MPRIP: variants seen among roughly 807,000 people sequenced by gnomAD.
The protein encoded by MPRIP is myosin phosphatase Rho interacting protein, also known as myosin phosphatase Rho-interacting protein.
In MPRIP, 59 loss-of-function variants were observed where a neutral mutation model predicts 234.9. That is an observed-to-expected ratio of 0.25 (90% CI 0.20 to 0.31). MPRIP has a LOEUF of 0.31. Ranked by LOEUF, MPRIP falls within the 10% of genes least tolerant of loss-of-function variation. The probability of loss-of-function intolerance (pLI) is 1.00; values close to 1 mark genes in which losing one functional copy is unlikely to be tolerated. For missense variants in MPRIP, 2,436 were observed against 3,071.0 expected, an observed-to-expected ratio of 0.79 and a Z score of 4.89; for synonymous variants, 1,144 against 1,263.9, an observed-to-expected ratio of 0.91 and a Z score of 2.01.
intron 17 of MPRIP, among the ~76,000 whole-genome samples, chr17:17,172,405 T>C (rs1567775089): frequency 6.6e-6 from 1 of 152,276 alleles, no homozygotes; most frequent in Non-Finnish European, 1.5e-5. Context: ...AAACTCATGT[T>C]GGAATTTAAC....
intron 1 of MPRIP, among the ~76,000 whole-genome samples, chr17:17,059,050 T>C (rs2088792739): frequency 6.6e-6 from 1 of 152,236 alleles, no homozygotes; most frequent in Non-Finnish European, 1.5e-5. Flanking sequence ...ATTTCTTGTA[T>C]TAGAAGTTAA....
At chr17:17,055,919 C>T (rs1428511461) in intron 1 of MPRIP, among the ~76,000 whole-genome samples, 2 of 152,234 alleles carry the variant, frequency 1.3e-5, no homozygotes, top group Non-Finnish European at 2.9e-5. Flanking sequence ...CCAGCAGTCT[C>T]AGAAGGCGGA....
At chr17:17,065,247 A>G (rs1000969089) in intron 1 of MPRIP, among the ~76,000 whole-genome samples, 1 of 152,168 alleles carries the variant, frequency 6.6e-6, no homozygotes, top group South Asian at 2.1e-4. Flanking sequence ...TTCGTGGCTT[A>G]TCTTTTCATC....
At chr17:17,181,799 G>A (rs1352961731) in intron 23 of MPRIP, 4 of 152,158 alleles carry the variant, frequency 2.6e-5, no homozygotes, top group Admixed American at 6.5e-5. Flanking sequence ...CAACACCCAC[G>A]GGCCCCTGAC....
At chr17:17,087,850 G>A (rs372224830) in intron 3 of MPRIP, among the ~76,000 whole-genome samples, 12 of 152,196 alleles carry the variant, frequency 7.9e-5, no homozygotes, top group African/African-American at 1.9e-4. Flanking sequence ...ATCTCAGGCC[G>A]CACTGAGAGG....
intron 21 of MPRIP, among the ~76,000 whole-genome samples, chr17:17,176,864 CAG>C (rs2046265701): frequency 6.6e-6 from 1 of 152,204 alleles, no homozygotes; most frequent in Non-Finnish European, 1.5e-5. Flanking sequence ...CTCCTGGAGT[CAG>C]GGGAGATGAC....
chr17:17,112,835 C>G (rs149698604), intron 3 of MPRIP, among the ~76,000 whole-genome samples: 1 of 152,340 alleles, frequency 6.6e-6, no homozygotes, highest in Non-Finnish European at 1.5e-5. Flanking sequence ...GTACTGCGTT[C>G]CATCCCCACT....
intron 11 of MPRIP, 114 bp downstream of exon 11, chr17:17,147,501 G>A (rs572602134): frequency 1.3e-4 from 133 of 1,001,322 alleles, no homozygotes; most frequent in Non-Finnish European, 1.8e-4. Context: ...TGAGGACAGC[G>A]CCCTTCGGTG....
chr17:17,108,954 T>C (rs2090116102), intron 3 of MPRIP, among the ~76,000 whole-genome samples: 2 of 152,220 alleles, frequency 1.3e-5, no homozygotes, highest in South Asian at 2.1e-4. Context: ...ACCTGTATGC[T>C]AGCACTGCCT....
chr17:17,149,066 C>T (rs1412150573), intron 11 of MPRIP, among the ~76,000 whole-genome samples: 2 of 152,190 alleles, frequency 1.3e-5, no homozygotes, highest in African/African-American at 4.8e-5. Flanking sequence ...GTTACAAAAG[C>T]ATGCCTGGGT....
rs1321752844 is a variant in MPRIP at position 17,126,838 on chromosome 17, A to T, written c.404A>T (p.Lys135Met). 6.2e-7 allele frequency: 1 copy of T among 1,613,970 alleles called. No individual in the cohort carries two copies. Among genetic ancestry groups the T allele is most frequent in the South Asian group, 1.1e-5 (1 of 91,060 alleles). ...GAGCATTTCATCCGGGCGGAGACCAAGGAGATCGTCAGTGGGTGAGTATGC... is the reference window on the plus strand; with the variant it reads ...GAGCATTTCATCCGGGCGGAGACCATGGAGATCGTCAGTGGGTGAGTATGC... ...EKEHFIRAET[K>M]EIVSGWLEML... Residue 135 changes from lysine to methionine, a missense_variant, in exon 4 of 24, where the codon AAG becomes ATG. Lys to Met is a moderately conservative substitution (Grantham distance 95). This residue lies in a region of MPRIP where 140 missense variants were observed against 207.3 expected (regional missense o/e 0.68). Transcript: ENST00000651222.
At chr17:17,090,676 C>A (rs570358629) in intron 3 of MPRIP, among the ~76,000 whole-genome samples, 53 of 152,322 alleles carry the variant, frequency 3.5e-4, no homozygotes, top group Non-Finnish European at 7.1e-4. Context: ...AAATCACACA[C>A]AAACCACAGT....
At chr17:17,074,606 G>A (rs1350049955) in intron 1 of MPRIP, among the ~76,000 whole-genome samples, 2 of 152,092 alleles carry the variant, frequency 1.3e-5, no homozygotes, top group East Asian at 3.8e-4. Flanking sequence ...AGTCACCCAC[G>A]AAAGAAACCC....
chr17:17,088,212 G>T (rs556626210), intron 3 of MPRIP, among the ~76,000 whole-genome samples: 1 of 152,332 alleles, frequency 6.6e-6, no homozygotes, highest in African/African-American at 2.4e-5. Flanking sequence ...AGGGGTTTCT[G>T]TGGCCCACAC....
rs374451143 is a variant in MPRIP at position 17,172,794 on chromosome 17, A to C, written c.6569A>C (p.Glu2190Ala). 18 of 1,612,304 alleles carry C rather than the reference A, an allele frequency of 1.1e-5. No individual in the cohort carries two copies. The highest frequency in any genetic ancestry group is 1.8e-4 in the Middle Eastern group (1 of 5,602). Reference protein sequence around the residue: ...SQISSVNSDVEALRRQYLEEL... With the variant: ...SQISSVNSDVAALRRQYLEEL... ...ATCAGCAGCGTCAACTCGGATGTTG[A>C]GGCCCTGCGGCGCCAGTACCTGTAA... The change falls in exon 18 of 24, where the codon GAG becomes GCG. Residue 2190 changes from glutamate (E) to alanine (A), a missense_variant. Physicochemically the swap from Glu to Ala is moderately radical, Grantham distance 107 (BLOSUM62 -1). Transcript: ENST00000651222.
rs1478670395 is a variant in MPRIP at position 17,138,381 on chromosome 17, G to A, written c.1202G>A (p.Arg401Gln). ...RRRLERRTRARSPGREEVARL... is the reference protein window; with the variant it reads ...RRRLERRTRAQSPGREEVARL... ...CGGCTGGAGCGTAGAACTCGGGCCC[G>A]GAGCCCTGGCAGGGAGGAGGTGGCC... The change falls in exon 7 of 24, where the codon CGG becomes CAG. Residue 401 changes from arginine (R) to glutamine (Q), a missense_variant. Physicochemically the swap from Arg to Gln is conservative, Grantham distance 43. Around this residue, in one of 4 missense-constraint regions of MPRIP, gnomAD observed 267 missense variants for 252.7 expected, o/e 1.06. Transcript: ENST00000651222. The surrounding 1 kb of genome is among the most constrained non-coding windows in gnomAD (Gnocchi z 5.8). 6.4e-6 allele frequency: 2 copies of A among 312,700 alleles called. No homozygotes were observed. Among genetic ancestry groups the A allele is most frequent in the Non-Finnish European group, 1.2e-5 (2 of 171,100 alleles). The allele number at this position is 312,700 out of a possible 1,614,324, so 19.4% of individuals were successfully genotyped here.
Position 17,167,281 on chromosome 17 carries a change from A to G in MPRIP, c.5690A>G (p.Lys1897Arg). 7.7e-7 allele frequency: 1 copy of G among 1,303,950 alleles called. No homozygotes were observed. Among genetic ancestry groups the G allele is most frequent in the Non-Finnish European group, 1.0e-6 (1 of 988,944 alleles). 80.8% of individuals were successfully genotyped at this position (1,303,950 alleles called of 1,614,324 possible). A position where few individuals can be genotyped will look rare whatever the true frequency, so the allele number is the denominator to read the frequency against. Residue 1897 changes from lysine to arginine, a missense_variant, in exon 16 of 24, where the codon AAG becomes AGG. This residue lies in a region of MPRIP where 1,998 missense variants were observed against 2,520.3 expected (regional missense o/e 0.79). Transcript: ENST00000651222. This position sits in a 1 kb window ranked among gnomAD's most constrained non-coding sequence, Gnocchi z 5.9. ...LREEYEELLR[K>R]QKSEYLDVIA... ...GAGGAGTATGAGGAGCTTCTCCGCA[A>G]GCAGAAGAGCGAGTACCTGGATGTG...
intron 3 of MPRIP, among the ~76,000 whole-genome samples, chr17:17,086,885 G>T (rs2089603879): frequency 6.6e-6 from 1 of 152,188 alleles, no homozygotes; most frequent in African/African-American, 2.4e-5. Flanking sequence ...ACTGGAGGCT[G>T]AGCTTTAAGC....
intron 3 of MPRIP, among the ~76,000 whole-genome samples, chr17:17,094,135 TG>T: frequency 6.6e-6 from 1 of 152,182 alleles, no homozygotes; most frequent in South Asian, 2.1e-4. Context: ...GGGTTTTTTT[TG>T]GTTTGTTTTT....
Sources: allele counts gnomAD v4.1 joint callset (sites outside exome capture counted in the v4.1 genomes callset), GRCh38; gene constraint gnomAD v4.1.1; regional missense constraint gnomAD v4.1.1; non-coding constraint Gnocchi (gnomAD v3.1); transcripts MANE v1.5; gene names NCBI Gene and HGNC (gene_info 2026-07-23, HGNC 2026-07-21).